LRFN2: variants seen among roughly 807,000 people sequenced by gnomAD.
LRFN2 encodes the protein leucine-rich repeat and fibronectin type-III domain-containing protein 2.
A neutral mutation model predicts 37.3 loss-of-function variants in LRFN2; 18 were observed. The observed-to-expected ratio is 0.48, with a 90% CI of 0.33 to 0.72. LRFN2 has a LOEUF of 0.72. LRFN2 is among the 30% of genes least tolerant of loss of function. The pLI is 0.02. For synonymous variants in LRFN2, 556 were observed against 466.6 expected, an observed-to-expected ratio of 1.19 and a Z score of -2.47; for missense variants, 1,006 against 1,060.7, an observed-to-expected ratio of 0.95 and a Z score of 0.72.
intron 2 of LRFN2, among the ~76,000 whole-genome samples, chr6:40,408,681 A>T (rs973007248): frequency 6.6e-6 from 1 of 152,220 alleles, no homozygotes; most frequent in East Asian, 1.9e-4. Flanking sequence ...TAGGAACACT[A>T]GTACCTACTG....
chr6:40,447,600 A>G (rs982506179), intron 1 of LRFN2, among the ~76,000 whole-genome samples: 6 of 152,226 alleles, frequency 3.9e-5, no homozygotes, highest in African/African-American at 1.4e-4. Flanking sequence ...CTTCAAACGT[A>G]GATGATATCA....
chr6:40,525,650 C>T lies in LRFN2; in HGVS notation c.-19+61291G>A, dbSNP rs546336005. On this transcript the variant is annotated intron_variant, in intron 1 of 2. Transcript: ENST00000338305. The stretch of plus-strand genomic sequence containing the variant: ...GATTTACACATGCTCCGAGCCCACC[C>T]TTTGCCCCTCAGTTCCTGTGGTGCC... Among the ~76,000 whole-genome samples the T allele has an allele frequency of 4.6e-5, 7 of 152,310 alleles. No homozygotes were observed. In the South Asian group the frequency reaches 1.5e-3, roughly 32 times the overall value.
chr6:40,584,097 C>T (rs968321369), intron 1 of LRFN2, among the ~76,000 whole-genome samples: 1 of 152,130 alleles, frequency 6.6e-6, no homozygotes, highest in Non-Finnish European at 1.5e-5. Context: ...CTTTCTGGAG[C>T]CTTTTAACAA....
chr6:40,570,441 T>A (rs1451472455), intron 1 of LRFN2, among the ~76,000 whole-genome samples: 1 of 152,168 alleles, frequency 6.6e-6, no homozygotes, highest in Non-Finnish European at 1.5e-5. Flanking sequence ...ATAAAGCAAC[T>A]TCCCCAGAGT....
chr6:40,477,377 A>G (rs60442865), intron 1 of LRFN2, among the ~76,000 whole-genome samples: 21,246 of 152,072 alleles, frequency 0.14, 3,375 homozygotes, highest in African/African-American at 0.39. Context: ...AGGGATGGTG[A>G]CACCTGGCTG....
chr6:40,417,033 A>G (rs552784555), intron 2 of LRFN2, among the ~76,000 whole-genome samples: 7 of 152,288 alleles, frequency 4.6e-5, no homozygotes, highest in Admixed American at 4.6e-4. Flanking sequence ...CTTTTGCTGC[A>G]GGACAGAAGC....
intron 1 of LRFN2, among the ~76,000 whole-genome samples, chr6:40,540,142 T>G (rs714882): frequency 0.5 from 76,164 of 151,982 alleles, 20,050 homozygotes; most frequent in African/African-American, 0.67. Context: ...ACTAGCTGTG[T>G]AAACTTGGGA....
chr6:40,461,231 G>C (rs1256006500), intron 1 of LRFN2, among the ~76,000 whole-genome samples: 1 of 151,856 alleles, frequency 6.6e-6, no homozygotes, highest in Non-Finnish European at 1.5e-5. Flanking sequence ...ACATAGCAAG[G>C]ATTAGTCTCT....
chr6:40,510,845 G>C (rs1025356469), intron 1 of LRFN2, among the ~76,000 whole-genome samples: 1 of 152,166 alleles, frequency 6.6e-6, no homozygotes, highest in Admixed American at 6.5e-5. Flanking sequence ...GCTTATAGAA[G>C]CATTGGGAAG....
intron 2 of LRFN2, among the ~76,000 whole-genome samples, chr6:40,423,433 G>A (rs1189595759): frequency 6.6e-6 from 1 of 152,144 alleles, no homozygotes; most frequent in Non-Finnish European, 1.5e-5. Context: ...TAACTATGAA[G>A]AACGCTCTTT....
At chr6:40,453,271 T>C (rs766957874) in intron 1 of LRFN2, among the ~76,000 whole-genome samples, 6 of 152,080 alleles carry the variant, frequency 3.9e-5, no homozygotes, top group South Asian at 4.2e-4. Context: ...GATGTGGCAA[T>C]AGGGTTGAGG....
intron 1 of LRFN2, among the ~76,000 whole-genome samples, chr6:40,564,197 C>T (rs573844914): frequency 1.3e-5 from 2 of 152,306 alleles, no homozygotes; most frequent in South Asian, 4.1e-4. Context: ...TGTGAGCCAA[C>T]TCCAAGAGTG....
At position 40,391,779 on chromosome 6, in the gene LRFN2, G is replaced by A; in HGVS notation, c.*164C>T. ...CACCCCGGCCGGGTGGTGGGGAGGT[G>A]ATGTGGGTGTTGCGGGGTAGGGGGG... On this transcript the variant is annotated 3_prime_UTR_variant, in exon 3 of 3. Coordinates refer to ENST00000338305, the MANE Select transcript of LRFN2 (RefSeq NM_020737.3). The A allele has an allele frequency of 1.7e-6, 1 of 599,300 alleles. No individual in the cohort carries two copies. The highest frequency in any genetic ancestry group is 2.6e-6 in the Non-Finnish European group (1 of 380,590). 37.1% of individuals were successfully genotyped at this position (599,300 alleles called of 1,614,324 possible).
chr6:40,483,169 G>C (rs999898602), intron 1 of LRFN2, among the ~76,000 whole-genome samples: 2 of 152,256 alleles, frequency 1.3e-5, no homozygotes, highest in African/African-American at 4.8e-5. Context: ...CTTACTTTAA[G>C]GGTTGTTGTG....
intron 1 of LRFN2, among the ~76,000 whole-genome samples, chr6:40,545,475 TC>T (rs1351502263): frequency 6.6e-6 from 1 of 152,170 alleles, no homozygotes; most frequent in African/African-American, 2.4e-5. Context: ...TGATTTGTAT[TC>T]CCCTCTCTCT....
chr6:40,558,050 G>T (rs1460017035), intron 1 of LRFN2, among the ~76,000 whole-genome samples: 1 of 152,174 alleles, frequency 6.6e-6, no homozygotes, highest in Non-Finnish European at 1.5e-5. Context: ...CCCTGATGTG[G>T]TGCTCTGTGG....
chr6:40,444,538 C>T (rs143463311), intron 1 of LRFN2, among the ~76,000 whole-genome samples: 25 of 152,246 alleles, frequency 1.6e-4, no homozygotes, highest in African/African-American at 4.3e-4. Flanking sequence ...TGTCTTTCTT[C>T]GGGTGGGAAT....
At position 40,392,503 on chromosome 6, in the gene LRFN2, C is replaced by CTT; in HGVS notation, c.1809_1810insAA (p.Val604LysfsTer54). On this transcript the variant is annotated frameshift_variant, in exon 3 of 3. Transcript: ENST00000338305. LOFTEE classifies it high-confidence loss of function. This position sits in a 1 kb window ranked among gnomAD's most constrained non-coding sequence, Gnocchi z 4.7. Reference sequence around the variant, plus strand: ...GTGAAGTCCAGGAGCTCGTTGCGCACCACCACCTTCGGCGGGCCCTGCGGC... The same window carrying CTT: ...GTGAAGTCCAGGAGCTCGTTGCGCACTTCACCACCTTCGGCGGGCCCTGCGGC... 6.3e-7 allele frequency: 1 copy of CTT among 1,585,656 alleles called. No individual in the cohort carries two copies. Among genetic ancestry groups the CTT allele is most frequent in the Non-Finnish European group, 8.6e-7 (1 of 1,167,490 alleles).
At chr6:40,510,447 A>G (rs890526658) in intron 1 of LRFN2, among the ~76,000 whole-genome samples, 1 of 152,176 alleles carries the variant, frequency 6.6e-6, no homozygotes, top group African/African-American at 2.4e-5. Flanking sequence ...AGCCTTCAGG[A>G]AGCTGAGTCA....
Sources: gnomAD v4.1 joint callset for allele counts (sites outside exome capture counted in the v4.1 genomes callset) on GRCh38, gnomAD v4.1.1 for gene constraint, Gnocchi (gnomAD v3.1) non-coding constraint, MANE v1.5 for transcripts, NCBI Gene and HGNC (gene_info 2026-07-23, HGNC 2026-07-21) for gene names.